The following KNTC1 variants were observed in gnomAD, a reference collection of about 807,000 sequenced individuals.
KNTC1 encodes the protein kinetochore-associated protein 1.
KNTC1 carries 253 observed loss-of-function variants against 314.4 expected under a neutral mutation model. That is an observed-to-expected ratio of 0.80 (90% CI 0.73 to 0.89). The LOEUF is 0.89. Ranked by LOEUF, KNTC1 falls within the 40% of genes least tolerant of loss-of-function variation. KNTC1 has a pLI of 0.00. For synonymous variants in KNTC1, 901 were observed against 901.4 expected (o/e 1.00, Z 0.01); for missense variants, 2,475 against 2,572.9 (o/e 0.96, Z 0.82).
intron 4 of KNTC1, among the ~76,000 whole-genome samples, chr12:122,538,667 C>T (rs573997310): frequency 6.6e-6 from 1 of 152,178 alleles, no homozygotes; most frequent in African/African-American, 2.4e-5. Context: ...CAGAAATTTT[C>T]CCAGGGAATG....
At chr12:122,606,779 T>C (rs975669771) in intron 51 of KNTC1, among the ~76,000 whole-genome samples, 14 of 152,178 alleles carry the variant, frequency 9.2e-5, no homozygotes, top group Admixed American at 7.2e-4. Flanking sequence ...CTATAATTGA[T>C]ACTCTTACGA....
chr12:122,575,688 G>A, intron 28 of KNTC1, 42 bp downstream of exon 28: 1 of 1,499,304 alleles, frequency 6.7e-7, no homozygotes, highest in Non-Finnish European at 9.2e-7. Context: ...ATGCTCTGGA[G>A]AAACATTGTG....
intron 51 of KNTC1, among the ~76,000 whole-genome samples, chr12:122,606,674 A>G (rs1301005665): frequency 6.6e-6 from 1 of 152,206 alleles, no homozygotes; most frequent in Non-Finnish European, 1.5e-5. Context: ...AATGTACACA[A>G]AAATGCAAAA....
chr12:122,606,211 G>A (rs1872567544), intron 51 of KNTC1, among the ~76,000 whole-genome samples: 1 of 148,660 alleles, frequency 6.7e-6, no homozygotes, highest in Non-Finnish European at 1.5e-5. Flanking sequence ...AAGTTTTAAA[G>A]AGATTGTTTA....
chr12:122,624,665 A>T lies in KNTC1; in HGVS notation c.6583A>T (p.Thr2195Ser). The T allele has an allele frequency of 6.2e-7, 1 of 1,613,246 alleles. No homozygotes were observed. Among genetic ancestry groups the T allele is most frequent in the Non-Finnish European group, 8.5e-7 (1 of 1,179,252 alleles). The change falls in exon 63 of 64, where the codon ACT becomes TCT. Residue 2195 changes from threonine (T) to serine (S), a missense_variant. Coordinates refer to ENST00000333479, the MANE Select transcript of KNTC1 (RefSeq NM_014708.6). The stretch of plus-strand genomic sequence containing the variant: ...CTGCGGGAAACCTGTGCCTCCAGAC[A>T]CTGCTCCCTGTGAAATTCTGAAGGT... ...KHCGKPVPPD[T>S]APCEILKMFL...
chr12:122,590,853 C>A, intron 41 of KNTC1, 118 bp downstream of exon 41: 2 of 987,470 alleles, frequency 2.0e-6, no homozygotes, highest in African/African-American at 1.6e-5. Flanking sequence ...TGAGCTAACT[C>A]GTGATTTCTA....
intron 42 of KNTC1, chr12:122,593,993 T>A (rs1870684555): frequency 5.5e-6 from 2 of 365,634 alleles, no homozygotes; most frequent in East Asian, 1.0e-4. Context: ...GTTTTGAAGC[T>A]TAATTCTTCT....
At chr12:122,591,238 T>C (rs1870147340) in intron 41 of KNTC1, 99 bp from the exon 42 acceptor site, 2 of 755,212 alleles carry the variant, frequency 2.6e-6, no homozygotes, top group Non-Finnish European at 4.8e-6. Context: ...ACACGGTTGA[T>C]CACAAAGTTA....
At chr12:122,609,579 G>A (rs1872903008) in intron 52 of KNTC1, 149 bp downstream of exon 52, 2 of 563,010 alleles carry the variant, frequency 3.6e-6, no homozygotes, top group Admixed American at 3.7e-5. Context: ...ACTAATACGT[G>A]GCTAGGAGTC....
At chr12:122,546,736 A>G (rs1962797882) in intron 10 of KNTC1, 62 bp downstream of exon 10, 1 of 1,123,262 alleles carries the variant, frequency 8.9e-7, no homozygotes, top group Non-Finnish European at 1.3e-6. Context: ...AAAATGTCAG[A>G]CTTACAAAGG....
At chr12:122,568,153 C>T in intron 20 of KNTC1, 108 bp from the exon 21 acceptor site, 11 of 633,598 alleles carry the variant, frequency 1.7e-5, no homozygotes, top group Non-Finnish European at 2.8e-5. Context: ...TTGTTTTTAC[C>T]TTTATGAAGA....
At position 122,580,637 on chromosome 12, in the gene KNTC1, G is replaced by A. The variant is rs1173558821; in HGVS notation, c.2949G>A (p.Met983Ile). The A allele has an allele frequency of 6.4e-7, 1 of 1,574,734 alleles. No homozygotes were observed. The highest frequency in any genetic ancestry group is 8.6e-7 in the Non-Finnish European group (1 of 1,158,562). ...NLQKKDECEE[M>I]LKLFKEVASL... ...AGAAGAAGGACGAATGTGAAGAAAT[G>A]TTGAAACTATTTAAAGAGGTTGCTA... The change falls in exon 33 of 64, where the codon ATG becomes ATA. Residue 983 changes from methionine to isoleucine, a missense_variant. Met to Ile is a conservative substitution (Grantham distance 10). Coordinates refer to ENST00000333479, the MANE Select transcript of KNTC1 (RefSeq NM_014708.6).
At chr12:122,574,507 C>T (rs1003044503) in intron 27 of KNTC1, 127 bp downstream of exon 27, 2 of 610,788 alleles carry the variant, frequency 3.3e-6, no homozygotes, top group South Asian at 2.1e-5. Context: ...GTCGCCCAGG[C>T]TGGAATGCAG....
rs1963210607 is a variant in KNTC1 at position 122,551,688 on chromosome 12, G to A, written c.1264G>A (p.Asp422Asn). The A allele has an allele frequency of 6.2e-7, 1 of 1,611,348 alleles. No individual in the cohort carries two copies. The highest frequency in any genetic ancestry group is 1.7e-5 in the Admixed American group (1 of 59,990). ...AESFAIQFGLDVELVYKVKSN... is the reference protein window; with the variant it reads ...AESFAIQFGLNVELVYKVKSN... ...GAGTTTTGCCATTCAGTTTGGACTA[G>A]ATGTTGAGGTAATCATTCATGTATT... The change falls in exon 16 of 64, where the codon GAT becomes AAT. Residue 422 changes from aspartate (D) to asparagine (N), a missense_variant. Asp to Asn is a conservative substitution (Grantham distance 23, BLOSUM62 1). Coordinates refer to ENST00000333479, the MANE Select transcript of KNTC1 (RefSeq NM_014708.6).
At chr12:122,624,143 G>T (rs553575807) in intron 62 of KNTC1, among the ~76,000 whole-genome samples, 1 of 152,026 alleles carries the variant, frequency 6.6e-6, no homozygotes, top group Non-Finnish European at 1.5e-5. Context: ...TTTGTTCTTT[G>T]GACAATCCAG....
chr12:122,533,418 G>A (rs992855029), intron 2 of KNTC1, among the ~76,000 whole-genome samples: 2 of 152,140 alleles, frequency 1.3e-5, no homozygotes, highest in Non-Finnish European at 2.9e-5. Flanking sequence ...AAGGAGGCTG[G>A]GCGCAGTGCC....
intron 13 of KNTC1, 133 bp from the exon 14 acceptor site, chr12:122,551,186 G>T (rs1963172025): frequency 4.9e-6 from 3 of 610,440 alleles, no homozygotes; most frequent in African/African-American, 1.9e-5. Context: ...TACATAGTAG[G>T]TATTTATGGG....
At position 122,603,137 on chromosome 12, in the gene KNTC1, G is replaced by A. The variant is rs1188763930; in HGVS notation, c.4995G>A (p.Lys1665=). 3 of 1,613,724 alleles carry A rather than the reference G, an allele frequency of 1.9e-6. No individual in the cohort carries two copies. Among genetic ancestry groups the A allele is most frequent in the South Asian group, 1.1e-5 (1 of 91,070 alleles). ...CTAAATCCTCAACACTGATTAACAA[G>A]GAAATAACTAAGATCACGCAGACCA... ...TQAKSSTLIN[K]EITKITQTIE... Residue 1665 remains lysine, a synonymous_variant, in exon 48 of 64, where the codon AAG becomes AAA. Transcript: ENST00000333479.
At chr12:122,540,524 T>A (rs746503342) in intron 5 of KNTC1, among the ~76,000 whole-genome samples, 2 of 152,138 alleles carry the variant, frequency 1.3e-5, no homozygotes, top group Non-Finnish European at 2.9e-5. Flanking sequence ...ATTTTTAAAT[T>A]TTTGAAAAAA....
Sources: gnomAD v4.1 joint callset for allele counts (sites outside exome capture counted in the v4.1 genomes callset) on GRCh38, gnomAD v4.1.1 for gene constraint, MANE v1.5 for transcripts, NCBI Gene and HGNC (gene_info 2026-07-23, HGNC 2026-07-21) for gene names.